Variants in SHOC1 observed in about 807,000 individuals in gnomAD.
SHOC1 encodes protein shortage in chiasmata 1 ortholog.
A neutral mutation model predicts 179.2 loss-of-function variants in SHOC1; 136 were observed. That is an observed-to-expected ratio of 0.76 (90% confidence interval 0.66 to 0.87). The LOEUF is 0.87. Among genes scored for constraint, SHOC1 ranks in the 40% least tolerant of loss-of-function variants. The pLI, the probability that SHOC1 is intolerant of heterozygous loss-of-function variation, is 0.00. For synonymous variants in SHOC1, 489 were observed against 586.6 expected (o/e 0.83, Z 2.41); for missense variants, 1,538 against 1,700.8 (o/e 0.90, Z 1.68).
chr9:111,762,315 C>T (rs1835171477), intron 5 of SHOC1, among the ~76,000 whole-genome samples: 1 of 150,328 alleles, frequency 6.7e-6, no homozygotes, highest in Non-Finnish European at 1.5e-5. Flanking sequence ...ATGGTCTCAG[C>T]TACTTAGGAG....
Position 111,746,309 on chromosome 9 carries a change from AG to A in SHOC1, c.1003del (p.Leu335Ter), listed in dbSNP as rs1422344254. 6.2e-7 allele frequency: 1 copy of A among 1,611,212 alleles called. No homozygotes were observed. Among genetic ancestry groups the A allele is most frequent in the African/African-American group, 1.3e-5 (1 of 74,982 alleles). ...ATTCACTGAAGAATGTTGGCATGTT[AG>A]GAATAGAGGAGTTAGTGGCATTTCT... ...ELEMPLTPLF[L>X]TCQHSSVNSL... is the part of the protein sequence containing the mutation. On this transcript the variant is annotated frameshift_variant, in exon 10 of 28. Coordinates refer to ENST00000682961, the MANE Select transcript of SHOC1 (RefSeq NM_001378211.1). LOFTEE classifies it high-confidence loss of function.
intron 22 of SHOC1, among the ~76,000 whole-genome samples, chr9:111,703,028 C>T (rs199962372): frequency 1.3e-5 from 2 of 152,020 alleles, no homozygotes; most frequent in African/African-American, 4.8e-5. Context: ...GAGGATCACT[C>T]GAGCCCAGGA....
In SHOC1 at chr9:111,758,204, A is replaced by C. The variant is rs758625526; in HGVS notation, c.597-9T>G. The C allele has an allele frequency of 6.9e-7, 1 of 1,445,650 alleles. No individual in the cohort carries two copies. The highest frequency in any genetic ancestry group is 2.0e-5 in the Admixed American group (1 of 48,892). The allele number at this position is 1,445,650 out of a possible 1,614,324, so 89.6% of individuals were successfully genotyped here. ...GAAGAGAGAAACATTCCCTTAAAAA[A>C]AAATACATTAATTAGTGTTTACTAA... On this transcript the variant is annotated splice_polypyrimidine_tract_variant and intron_variant, in intron 6 of 27. Transcript: ENST00000682961.
intron 15 of SHOC1, among the ~76,000 whole-genome samples, chr9:111,719,490 C>T (rs1284211688): frequency 6.6e-6 from 1 of 152,166 alleles, no homozygotes; most frequent in Admixed American, 6.5e-5. Context: ...CCTTTAGAAG[C>T]TCAACCCATA....
chr9:111,770,663 A>G (rs1284540005), intron 5 of SHOC1, among the ~76,000 whole-genome samples: 4 of 152,262 alleles, frequency 2.6e-5, no homozygotes, highest in Non-Finnish European at 1.5e-5. Context: ...ATTATATTGC[A>G]GTCTACCCTT....
At chr9:111,739,136 T>C (rs1833927534) in intron 11 of SHOC1, among the ~76,000 whole-genome samples, 1 of 152,090 alleles carries the variant, frequency 6.6e-6, no homozygotes, top group Admixed American at 6.5e-5. Context: ...ATAATGACAG[T>C]AATATTAAGA....
At chr9:111,758,039 C>T in intron 7 of SHOC1, 45 bp downstream of exon 7, 1 of 976,654 alleles carries the variant, frequency 1.0e-6, no homozygotes, top group Non-Finnish European at 1.5e-6. Flanking sequence ...CAAAAATGTG[C>T]CTCACTACTT....
chr9:111,770,986 A>C (rs1483611303), intron 5 of SHOC1, among the ~76,000 whole-genome samples: 3 of 152,032 alleles, frequency 2.0e-5, no homozygotes, highest in Non-Finnish European at 4.4e-5. Context: ...TAAGCTTTTT[A>C]TTTGAAAATT....
intron 10 of SHOC1, among the ~76,000 whole-genome samples, chr9:111,741,880 C>T (rs1834059890): frequency 6.6e-6 from 1 of 152,246 alleles, no homozygotes; most frequent in South Asian, 2.1e-4. Flanking sequence ...AATCCGCCCA[C>T]CTTGGCCTCC....
At chr9:111,702,895 A>G (rs1290535251) in intron 22 of SHOC1, among the ~76,000 whole-genome samples, 2 of 152,186 alleles carry the variant, frequency 1.3e-5, no homozygotes, top group Non-Finnish European at 2.9e-5. Flanking sequence ...GGATCACTTG[A>G]AGCCAAGAGT....
At chr9:111,709,720 C>T (rs1212734807) in intron 18 of SHOC1, among the ~76,000 whole-genome samples, 1 of 152,136 alleles carries the variant, frequency 6.6e-6, no homozygotes, top group Non-Finnish European at 1.5e-5. Flanking sequence ...ATAAGGGTGA[C>T]TATAGTCAGT....
Position 111,687,129 on chromosome 9 carries a change from G to T in SHOC1, c.4427-259C>A, listed in dbSNP as rs558015950. 2.0e-5 allele frequency among the ~76,000 whole-genome samples: 3 copies of T among 151,760 alleles called. No homozygotes were observed. The South Asian group carries it at 6.2e-4, about 32-fold the overall frequency. On this transcript the variant is annotated intron_variant, in intron 27 of 27. Transcript: ENST00000682961. The stretch of plus-strand genomic sequence containing the variant: ...GCCCGGCTAATTTTTTGTATTTTTA[G>T]TAGAGACAGGGTTTTGCCATGTTGG...
In SHOC1 at chr9:111,707,867, C is replaced by G. The variant is rs1832351619; in HGVS notation, c.2546G>C (p.Gly849Ala). 6.3e-7 allele frequency: 1 copy of G among 1,584,018 alleles called. No individual in the cohort carries two copies. The highest frequency in any genetic ancestry group is 1.2e-5 in the South Asian group (1 of 85,972). ...AATGAATTTTTACCCCCTTAAAACA[C>G]CTTCAGATTCCAGAAAATCTTTTCT... ...NERKDFLESE[G>A]VLRGTSSCVV... Residue 849 changes from glycine (G) to alanine (A), a missense_variant, in exon 19 of 28, where the codon GGT becomes GCT. Transcript: ENST00000682961.
At chr9:111,704,753 T>C (rs1247965550) in intron 21 of SHOC1, among the ~76,000 whole-genome samples, 1 of 152,142 alleles carries the variant, frequency 6.6e-6, no homozygotes, top group Non-Finnish European at 1.5e-5. Flanking sequence ...AATGTTGGTA[T>C]GACCTTAGAT....
Position 111,693,823 on chromosome 9 carries a change from A to G in SHOC1, c.3441T>C (p.Pro1147=). 2 of 1,609,504 alleles carry G rather than the reference A, an allele frequency of 1.2e-6. No homozygotes were observed. Among genetic ancestry groups the G allele is most frequent in the Non-Finnish European group, 1.7e-6 (2 of 1,177,328 alleles). Residue 1147 remains proline, a synonymous_variant, in exon 26 of 28, where the codon CCT becomes CCC. Transcript: ENST00000682961. ...CCTTTAACACTTTTTCTGGGACTTC[A>G]GGTAGGAGTTCCTGAAGTTGACACA... ...ATLCQLQELL[P]EVPEKVLKHF...
At chr9:111,749,770 T>C (rs7034259) in intron 8 of SHOC1, among the ~76,000 whole-genome samples, 124,363 of 152,142 alleles carry the variant, frequency 0.82, 51,019 homozygotes, top group East Asian at 0.92. Context: ...TGAGAACATG[T>C]GGTGTTTGGC....
chr9:111,728,813 T>C (rs916628097), intron 12 of SHOC1, among the ~76,000 whole-genome samples: 2 of 152,224 alleles, frequency 1.3e-5, no homozygotes, highest in African/African-American at 2.4e-5. Context: ...GTCAATTGTA[T>C]GGTATGTGAA....
chr9:111,712,604 GA>G (rs1315364310), intron 18 of SHOC1, among the ~76,000 whole-genome samples: 1 of 152,184 alleles, frequency 6.6e-6, no homozygotes, highest in Admixed American at 6.5e-5. Context: ...AGGGTTGACA[GA>G]AGGGGCAGTA....
rs1475668397 is a variant in SHOC1, at chr9:111,714,486, A to G, written c.2374T>C (p.Cys792Arg). The G allele has an allele frequency of 3.1e-6, 5 of 1,613,820 alleles. No individual in the cohort carries two copies. The highest frequency in any genetic ancestry group is 4.2e-6 in the Non-Finnish European group (5 of 1,179,918). The change falls in exon 17 of 28, where the codon TGT (cysteine) becomes CGT (arginine). Residue 792 changes from cysteine (C) to arginine (R), a missense_variant. Coordinates refer to ENST00000682961, the MANE Select transcript of SHOC1 (RefSeq NM_001378211.1). The stretch of plus-strand genomic sequence containing the variant: ...CTTTGCATCCAACTTAGTATCTGAC[A>G]TTGCAATTCTTGTATCTTGTAGTTG... Reference protein sequence around the residue: ...ETNYKIQELQCQILSWMQSQQ... With the variant: ...ETNYKIQELQRQILSWMQSQQ...
Sources: gnomAD v4.1 joint callset for allele counts (sites outside exome capture counted in the v4.1 genomes callset) on GRCh38, gnomAD v4.1.1 for gene constraint, MANE v1.5 for transcripts, NCBI Gene and HGNC (gene_info 2026-07-23, HGNC 2026-07-21) for gene names.